PIR: variants seen among roughly 807,000 people sequenced by gnomAD.
The protein encoded by PIR is pirin.
PIR carries 22 observed loss-of-function variants against 24.2 expected under a neutral mutation model. The ratio of observed to expected loss-of-function variants is 0.91; its 90% CI spans 0.65 to 1.30. The LOEUF (loss-of-function observed/expected upper bound fraction) is 1.30. Ranked by LOEUF, PIR falls within the 50% of genes most tolerant of loss-of-function variation. The pLI, the probability that PIR is intolerant of heterozygous loss-of-function variation, is 0.00. For missense variants in PIR, 220 were observed against 220.3 expected (o/e 1.00, Z 0.01); for synonymous variants, 80 against 79.6 (o/e 1.00, Z -0.03).
At chrX:15,466,006 G>GTTT (rs200803758) in intron 3 of PIR, among the ~76,000 whole-genome samples, 1,916 of 63,000 alleles carry the variant, frequency 0.03, 141 homozygotes, top group East Asian at 0.07. Context: ...AATGGTGGCT[G>GTTT]TTTTTTTTTT....
intron 3 of PIR, among the ~76,000 whole-genome samples, chrX:15,476,661 GA>G (rs776335281): frequency 2.7e-3 from 283 of 104,131 alleles, no homozygotes; most frequent in African/African-American, 8.5e-3. Context: ...AACCCAGCAG[GA>G]AAAAAAAAAT....
chrX:15,436,687 G>C (rs1230711469), intron 5 of PIR, among the ~76,000 whole-genome samples: 1 of 111,950 alleles, frequency 8.9e-6, no homozygotes, highest in African/African-American at 3.2e-5. Flanking sequence ...TCCTCACAAG[G>C]CTTCTAATAT....
At chrX:15,467,545 C>T (rs1346842351) in intron 3 of PIR, among the ~76,000 whole-genome samples, 1 of 111,835 alleles carries the variant, frequency 8.9e-6, no homozygotes, top group Non-Finnish European at 1.9e-5. Flanking sequence ...GAAAATAGGC[C>T]TCATGATTTC....
At chrX:15,471,484 C>T (rs747645810) in intron 3 of PIR, among the ~76,000 whole-genome samples, 1 of 111,870 alleles carries the variant, frequency 8.9e-6, no homozygotes, top group East Asian at 2.8e-4. Flanking sequence ...GGCTTCGAAG[C>T]TTGGGCCTTC....
intron 5 of PIR, among the ~76,000 whole-genome samples, chrX:15,442,809 A>G (rs1925962776): frequency 8.9e-6 from 1 of 112,229 alleles, no homozygotes; most frequent in Admixed American, 9.5e-5. Flanking sequence ...CTGCAGAAGA[A>G]AAGTTGGAAG....
At chrX:15,409,730 G>A (rs1209429643) in intron 6 of PIR, among the ~76,000 whole-genome samples, 6 of 110,715 alleles carry the variant, frequency 5.4e-5, no homozygotes, top group African/African-American at 2.0e-4. Context: ...CAAAAGTTTC[G>A]CCACAATTGT....
chrX:15,446,441 C>T (rs1207690524), intron 5 of PIR, among the ~76,000 whole-genome samples: 1 of 110,701 alleles, frequency 9.0e-6, no homozygotes, highest in African/African-American at 3.3e-5. Flanking sequence ...ACATAAAATA[C>T]ACTAACATTA....
At chrX:15,442,937 C>T (rs1216830566) in intron 5 of PIR, among the ~76,000 whole-genome samples, 1 of 112,549 alleles carries the variant, frequency 8.9e-6, no homozygotes, top group Non-Finnish European at 1.9e-5. Flanking sequence ...GAAGATCCAG[C>T]TAAGATCACT....
At chrX:15,417,938 C>T (rs1924980486) in intron 6 of PIR, among the ~76,000 whole-genome samples, 1 of 111,709 alleles carries the variant, frequency 9.0e-6, no homozygotes, top group Admixed American at 9.6e-5. Flanking sequence ...TCTGCAAAGT[C>T]GTTTTTGCCA....
chrX:15,470,600 C>CTTTTTTTTTTTTTTTT (rs1185040119), intron 3 of PIR, among the ~76,000 whole-genome samples: 1 of 45,104 alleles, frequency 2.2e-5, no homozygotes, highest in Non-Finnish European at 4.8e-5. Flanking sequence ...TTCTTTCTTT[C>CTTTTTTTTTTTTTTTT]TTTTTTTTTT....
intron 7 of PIR, among the ~76,000 whole-genome samples, chrX:15,404,742 T>G (rs1486484347): frequency 8.9e-6 from 1 of 112,110 alleles, no homozygotes; most frequent in Non-Finnish European, 1.9e-5. Context: ...TCTTGCCCTT[T>G]TGTTTTTCTC....
chrX:15,398,684 GTGTGT>G (rs1485367920), intron 7 of PIR, among the ~76,000 whole-genome samples: 1 of 90,838 alleles, frequency 1.1e-5, no homozygotes, highest in Non-Finnish European at 2.3e-5. Context: ...GTGTGTGTGT[GTGTGT>G]GTGTGTGTGT....
intron 3 of PIR, among the ~76,000 whole-genome samples, chrX:15,470,272 G>A (rs1047620787): frequency 1.8e-5 from 2 of 111,474 alleles, no homozygotes; most frequent in African/African-American, 3.3e-5. Context: ...TACAGGTAAC[G>A]TATCAACATA....
chrX:15,400,163 G>A (rs890939935), intron 7 of PIR, among the ~76,000 whole-genome samples: 3 of 111,813 alleles, frequency 2.7e-5, no homozygotes, highest in Non-Finnish European at 3.8e-5. Flanking sequence ...GTCAACAAAC[G>A]TCATGGAAAC....
At chrX:15,483,166 T>TAC (rs1922604817) in intron 2 of PIR, among the ~76,000 whole-genome samples, 1 of 96,712 alleles carries the variant, frequency 1.0e-5, no homozygotes, top group African/African-American at 3.8e-5. Flanking sequence ...ACATTATACA[T>TAC]ATATATATAA....
intron 8 of PIR, among the ~76,000 whole-genome samples, chrX:15,393,042 C>T (rs1315055458): frequency 9.0e-6 from 1 of 111,635 alleles, no homozygotes; most frequent in Non-Finnish European, 1.9e-5. Flanking sequence ...CATTTAAAAC[C>T]CAAGTCCTTG....
intron 4 of PIR, among the ~76,000 whole-genome samples, chrX:15,457,760 C>A (rs1365617180): frequency 8.9e-6 from 1 of 112,444 alleles, no homozygotes; most frequent in Non-Finnish European, 1.9e-5. Context: ...TTTCCCTCTA[C>A]TCCCATTTGA....
At chrX:15,445,887 T>A (rs1470298037) in intron 5 of PIR, among the ~76,000 whole-genome samples, 1 of 89,444 alleles carries the variant, frequency 1.1e-5, no homozygotes, top group Non-Finnish European at 2.1e-5. Context: ...TGAAGTGCTG[T>A]GGCGCGATCT....
At chrX:15,476,422 A>T (rs1922195159) in intron 3 of PIR, among the ~76,000 whole-genome samples, 1 of 111,987 alleles carries the variant, frequency 8.9e-6, no homozygotes, top group Admixed American at 9.5e-5. Context: ...GTACATGCTT[A>T]TGTTGTTCCA....
Sources: gnomAD v4.1 joint callset for allele counts (sites outside exome capture counted in the v4.1 genomes callset) on GRCh38, gnomAD v4.1.1 for gene constraint, MANE v1.5 for transcripts, NCBI Gene and HGNC (gene_info 2026-07-23, HGNC 2026-07-21) for gene names.